ARHGEF12: variants seen among roughly 807,000 people sequenced by gnomAD.
The protein encoded by ARHGEF12 is Rho guanine nucleotide exchange factor 12.
In ARHGEF12, 66 loss-of-function variants were observed where a neutral mutation model predicts 211.2. The ratio of observed to expected loss-of-function variants is 0.31; its 90% CI spans 0.26 to 0.38. ARHGEF12 has a LOEUF of 0.38. ARHGEF12 is among the 10% of genes least tolerant of loss of function. The probability of loss-of-function intolerance (pLI) is 1.00; values close to 1 mark genes in which losing one functional copy is unlikely to be tolerated. For missense variants in ARHGEF12, 1,429 were observed against 1,869.5 expected, an observed-to-expected ratio of 0.76 and a Z score of 4.34; for synonymous variants, 592 against 638.4, an observed-to-expected ratio of 0.93 and a Z score of 1.09.
At chr11:120,350,614 G>A (rs1024983204) in intron 1 of ARHGEF12, among the ~76,000 whole-genome samples, 1 of 148,514 alleles carries the variant, frequency 6.7e-6, no homozygotes, top group Non-Finnish European at 1.5e-5. Context: ...TAAAAATGTG[G>A]TTACTTTCTA....
At chr11:120,462,087 G>A (rs929902294) in intron 27 of ARHGEF12, among the ~76,000 whole-genome samples, 12 of 152,044 alleles carry the variant, frequency 7.9e-5, no homozygotes, top group African/African-American at 9.7e-5. Context: ...GCCATTTGGC[G>A]TAAGAGCCAA....
Position 120,352,506 on chromosome 11 carries a change from A to G in ARHGEF12, c.32+15231A>G, listed in dbSNP as rs115231309. 6.1e-3 allele frequency among the ~76,000 whole-genome samples: 932 copies of G among 152,300 alleles called. 14 individuals carry two copies. Among genetic ancestry groups the G allele is most frequent in the African/African-American group, 0.022 (902 of 41,558 alleles). On this transcript the variant is annotated intron_variant, in intron 1 of 40. Transcript: ENST00000397843. ...ATAATATTTTTATTTGCGTTGTTAT[A>G]GTGTTATCTTTATCATTTAGTTTAT...
chr11:120,399,450 G>A (rs910326277), intron 1 of ARHGEF12, among the ~76,000 whole-genome samples: 5 of 151,088 alleles, frequency 3.3e-5, no homozygotes, highest in Admixed American at 2.0e-4. Context: ...CTGATTTTCT[G>A]GGTTTCCTTG....
intron 21 of ARHGEF12, 117 bp downstream of exon 21, chr11:120,449,331 T>G (rs746453545): frequency 2.6e-5 from 20 of 761,520 alleles, no homozygotes; most frequent in Non-Finnish European, 3.9e-5. Flanking sequence ...TTTTACTGAA[T>G]TCCCAATATG....
At chr11:120,360,467 G>A (rs1448678111) in intron 1 of ARHGEF12, among the ~76,000 whole-genome samples, 7 of 151,872 alleles carry the variant, frequency 4.6e-5, no homozygotes, top group East Asian at 1.9e-4. Flanking sequence ...GTCATGGCTC[G>A]CTGCAGCCTT....
At chr11:120,337,351 T>G in intron 1 of ARHGEF12, 76 bp downstream of exon 1, 3 of 1,607,948 alleles carry the variant, frequency 1.9e-6, no homozygotes, top group Non-Finnish European at 2.5e-6. Flanking sequence ...GATTGCAGAT[T>G]GCCTTTGGCC....
chr11:120,352,840 A>G (rs1017816055), intron 1 of ARHGEF12, among the ~76,000 whole-genome samples: 1 of 152,202 alleles, frequency 6.6e-6, no homozygotes, highest in African/African-American at 2.4e-5. Flanking sequence ...CTGGGCAGAT[A>G]AGCCTCTTCC....
rs1404461556 is a variant in ARHGEF12 at position 120,489,669 on chromosome 11, G to A, written c.*4592G>A. ...TCATTCAAGGGCACATTTGGCTGAC[G>A]GAGCTAATAAGCGTAATAAAATGCT... On this transcript the variant is annotated 3_prime_UTR_variant, in exon 41 of 41. Transcript: ENST00000397843. The A allele has an allele frequency of 6.7e-5, 14 of 210,308 alleles. No homozygotes were observed. The highest frequency in any genetic ancestry group is 2.5e-4 in the African/African-American group (11 of 44,230). The allele number at this position is 210,308 out of a possible 1,614,324, so 13.0% of individuals were successfully genotyped here.
chr11:120,433,923 A>G (rs879322168), intron 11 of ARHGEF12, among the ~76,000 whole-genome samples: 1 of 152,072 alleles, frequency 6.6e-6, no homozygotes, highest in Non-Finnish European at 1.5e-5. Context: ...GCGCCATTGC[A>G]CTCCAGCATG....
rs542449541 is a variant in ARHGEF12 at position 120,477,437 on chromosome 11, T to C, written c.3453-10T>C. 5.7e-6 allele frequency: 9 copies of C among 1,577,060 alleles called. No individual in the cohort carries two copies. Among genetic ancestry groups the C allele is most frequent in the Non-Finnish European group, 6.9e-6 (8 of 1,167,882 alleles). On this transcript the variant is annotated splice_polypyrimidine_tract_variant and intron_variant, in intron 35 of 40. Transcript: ENST00000397843. ...GGTAAAAGTTTTTTTTTTTTTTTTT[T>C]TCTCTACAGAGGAGATAATGATGAA... is the stretch of plus-strand genomic sequence containing the variant.
chr11:120,356,927 G>T (rs1041043593), intron 1 of ARHGEF12, among the ~76,000 whole-genome samples: 3 of 152,078 alleles, frequency 2.0e-5, no homozygotes, highest in Admixed American at 6.5e-5. Flanking sequence ...ATTCACAGGT[G>T]AAGAAAGAGA....
rs1206744489 is a variant in ARHGEF12 at position 120,487,392 on chromosome 11, TTC to T, written c.*2317_*2318del. 3 of 218,740 alleles carry T rather than the reference TTC, an allele frequency of 1.4e-5. No individual in the cohort carries two copies. In the Admixed American group the frequency reaches 1.7e-4, roughly 13 times the overall value. 13.5% of individuals were successfully genotyped at this position (218,740 alleles called of 1,614,324 possible). On this transcript the variant is annotated 3_prime_UTR_variant, in exon 41 of 41. Coordinates refer to ENST00000397843, the MANE Select transcript of ARHGEF12 (RefSeq NM_015313.3). ...AACAAAGCCCCAAGATGAAGTCTAA[TTC>T]TGAAAATATCTCACAATTTTTGAAT...
intron 1 of ARHGEF12, among the ~76,000 whole-genome samples, chr11:120,372,316 CT>C (rs935264295): frequency 0.013 from 1,880 of 149,108 alleles, 34 homozygotes; most frequent in African/African-American, 0.044. Flanking sequence ...CTCCTCTGAT[CT>C]TTTTTTTTTA....
chr11:120,421,913 A>G, intron 6 of ARHGEF12, 61 bp downstream of exon 6: 1 of 1,319,958 alleles, frequency 7.6e-7, no homozygotes, highest in Non-Finnish European at 1.1e-6. Context: ...TATTGGTCAT[A>G]TTCTGATTTT....
At chr11:120,472,715 C>T (rs1364077571) in intron 30 of ARHGEF12, among the ~76,000 whole-genome samples, 2 of 151,498 alleles carry the variant, frequency 1.3e-5, no homozygotes, top group Non-Finnish European at 2.9e-5. Flanking sequence ...AGTGCAGTGG[C>T]GTGATCTCGG....
At chr11:120,356,626 T>A (rs1943138387) in intron 1 of ARHGEF12, among the ~76,000 whole-genome samples, 1 of 152,204 alleles carries the variant, frequency 6.6e-6, no homozygotes, top group African/African-American at 2.4e-5. Flanking sequence ...AACCTTTTAC[T>A]TATTTCTGGT....
intron 1 of ARHGEF12, among the ~76,000 whole-genome samples, chr11:120,376,802 C>T (rs1943738925): frequency 1.3e-5 from 2 of 152,244 alleles, no homozygotes; most frequent in South Asian, 2.1e-4. Context: ...CCCCCCACTA[C>T]CCTTCCCAGC....
chr11:120,392,670 T>G lies in ARHGEF12; in HGVS notation c.33-13448T>G, dbSNP rs545721623. On this transcript the variant is annotated intron_variant, in intron 1 of 40. Transcript: ENST00000397843. Reference sequence around the variant, plus strand: ...GTCAAGGGCTCAGATGCTTTCCATCTTTACACTCTTGCCATCAAAATCATC... The same window carrying G: ...GTCAAGGGCTCAGATGCTTTCCATCGTTACACTCTTGCCATCAAAATCATC... Among the ~76,000 whole-genome samples the G allele has an allele frequency of 5.6e-4, 85 of 152,336 alleles. 1 individual carries two copies. Among genetic ancestry groups the G allele is most frequent in the Non-Finnish European group, 1.1e-3 (77 of 68,032 alleles).
At position 120,479,844 on chromosome 11, in the gene ARHGEF12, C is replaced by T. The variant is rs565310929; in HGVS notation, c.3767-116C>T. Reference sequence around the variant, plus strand: ...ATTAATAATTAACATTTTAATATGTCATTAAAAGATACTTTTTAAAGATAG... The same window carrying T: ...ATTAATAATTAACATTTTAATATGTTATTAAAAGATACTTTTTAAAGATAG... On this transcript the variant is annotated intron_variant, in intron 37 of 40. Transcript: ENST00000397843. 2.7e-4 allele frequency: 212 copies of T among 773,388 alleles called. 3 individuals carry two copies. In the South Asian group the frequency reaches 3.5e-3, roughly 13 times the overall value. The allele number at this position is 773,388 out of a possible 1,614,324, so 47.9% of individuals were successfully genotyped here. A position where few individuals can be genotyped will look rare whatever the true frequency, so the allele number is the denominator to read the frequency against.
Sources: allele counts gnomAD v4.1 joint callset (sites outside exome capture counted in the v4.1 genomes callset), GRCh38; gene constraint gnomAD v4.1.1; transcripts MANE v1.5; gene names NCBI Gene and HGNC (gene_info 2026-07-23, HGNC 2026-07-21).